UGGT2: variants seen among roughly 807,000 people sequenced by gnomAD.
UGGT2 encodes the protein UDP-glucose glycoprotein glucosyltransferase 2.
In UGGT2, 180 loss-of-function variants were observed where a neutral mutation model predicts 192.1. The ratio of observed to expected loss-of-function variants is 0.94; its 90% confidence interval spans 0.83 to 1.06. The LOEUF (loss-of-function observed/expected upper bound fraction) is 1.06. UGGT2 is among the 50% of genes least tolerant of loss of function. The pLI is 0.00. For missense variants in UGGT2, 1,849 were observed against 1,795.7 expected, an observed-to-expected ratio of 1.03 and a Z score of -0.54; for synonymous variants, 580 against 591.0, an observed-to-expected ratio of 0.98 and a Z score of 0.27.
chr13:95,936,613 G>A (rs1023045808), intron 17 of UGGT2, among the ~76,000 whole-genome samples: 1 of 152,192 alleles, frequency 6.6e-6, no homozygotes, highest in Admixed American at 6.5e-5. Flanking sequence ...CATGGAGCTG[G>A]GAAACCTCCT....
chr13:95,876,203 C>CA (rs1032794623), intron 29 of UGGT2, among the ~76,000 whole-genome samples: 9 of 151,990 alleles, frequency 5.9e-5, no homozygotes, highest in East Asian at 3.9e-4. Flanking sequence ...AATTTTTGTG[C>CA]AAAAAAACAA....
chr13:95,978,856 G>A (rs2051025099), intron 10 of UGGT2, among the ~76,000 whole-genome samples: 1 of 152,172 alleles, frequency 6.6e-6, no homozygotes, highest in Non-Finnish European at 1.5e-5. Flanking sequence ...AGTTTTGAGA[G>A]ATGATGTTCT....
At chr13:95,961,028 T>C (rs1417161844) in intron 12 of UGGT2, among the ~76,000 whole-genome samples, 1 of 152,096 alleles carries the variant, frequency 6.6e-6, no homozygotes, top group Non-Finnish European at 1.5e-5. Context: ...CTGCAAGAAA[T>C]GCTTAAGGGA....
At chr13:95,888,642 A>G (rs1402006080) in intron 25 of UGGT2, among the ~76,000 whole-genome samples, 1 of 152,182 alleles carries the variant, frequency 6.6e-6, no homozygotes, top group Non-Finnish European at 1.5e-5. Flanking sequence ...TCTATCACTC[A>G]TCATATCTGC....
intron 33 of UGGT2, chr13:95,856,758 T>C (rs926110201): frequency 1.2e-5 from 4 of 327,188 alleles, no homozygotes; most frequent in African/African-American, 2.3e-5. Flanking sequence ...GAAGAGAGGA[T>C]ACAAAAAACA....
chr13:95,809,519 C>T (rs1014573783), intron 38 of UGGT2: 2 of 348,702 alleles, frequency 5.7e-6, no homozygotes, highest in South Asian at 2.4e-5. Flanking sequence ...TCCACTTTCG[C>T]AGGGGCAGGT....
In UGGT2 at chr13:95,921,627, G is replaced by C. The variant is rs143303445; in HGVS notation, c.2295+4053C>G. Among the ~76,000 whole-genome samples the C allele has an allele frequency of 4.6e-5, 7 of 152,132 alleles. No individual in the cohort carries two copies. The East Asian group carries it at 1.2e-3, about 25-fold the overall frequency. On this transcript the variant is annotated intron_variant, in intron 20 of 38. Transcript: ENST00000376747. ...ACAACCCCATTACAGAGTGAGCAAAGGAATGGGCACTTCTAAGAAGACATA... is the reference window on the plus strand; with the variant it reads ...ACAACCCCATTACAGAGTGAGCAAACGAATGGGCACTTCTAAGAAGACATA...
intron 36 of UGGT2, among the ~76,000 whole-genome samples, chr13:95,852,736 T>A (rs186886479): frequency 3.2e-4 from 49 of 152,272 alleles, no homozygotes; most frequent in Admixed American, 1.6e-3. Flanking sequence ...ATGTTTCAGA[T>A]GCAATAATGA....
rs139181745 is a variant in UGGT2 at position 96,036,316 on chromosome 13, C to G, written c.159-4345G>C. 1.1e-4 allele frequency among the ~76,000 whole-genome samples: 16 copies of G among 152,286 alleles called. No individual in the cohort carries two copies. In the East Asian group the frequency reaches 3.1e-3, roughly 29 times the overall value. On this transcript the variant is annotated intron_variant, in intron 1 of 38. Transcript: ENST00000376747. ...ACTAATGCAGAGACAGAAACCCAAA[C>G]ACCGCATGTTTTCACTTACAAGTGG... is the stretch of plus-strand genomic sequence containing the variant.
intron 38 of UGGT2, among the ~76,000 whole-genome samples, chr13:95,824,575 A>G (rs1885825780): frequency 6.6e-6 from 1 of 152,090 alleles, no homozygotes; most frequent in Non-Finnish European, 1.5e-5. Context: ...GTTGTAGTCT[A>G]TTGTTGAACC....
intron 17 of UGGT2, among the ~76,000 whole-genome samples, chr13:95,930,975 C>T (rs1215229912): frequency 6.9e-6 from 1 of 145,288 alleles, no homozygotes; most frequent in Non-Finnish European, 1.6e-5. Flanking sequence ...ACAAACCTCC[C>T]ACAGCATGGA....
intron 1 of UGGT2, among the ~76,000 whole-genome samples, chr13:96,039,015 A>T (rs1173305852): frequency 6.6e-6 from 1 of 152,168 alleles, no homozygotes; most frequent in East Asian, 1.9e-4. Context: ...CATAGGATGG[A>T]CACTCTAATT....
intron 4 of UGGT2, among the ~76,000 whole-genome samples, chr13:96,019,161 A>G (rs2052440904): frequency 7.8e-6 from 1 of 127,808 alleles, no homozygotes; most frequent in Non-Finnish European, 1.6e-5. Flanking sequence ...AGGCTGTAGA[A>G]TTGTTTTACC....
intron 2 of UGGT2, among the ~76,000 whole-genome samples, chr13:96,027,578 C>T (rs1196577543): frequency 6.6e-6 from 1 of 152,136 alleles, no homozygotes; most frequent in Non-Finnish European, 1.5e-5. Flanking sequence ...TAAGTGGCAG[C>T]CTCCACAGAC....
rs1566726423 is a variant in UGGT2, at chr13:95,936,826, A to G, written c.1977+98T>C. 3.4e-6 allele frequency: 4 copies of G among 1,188,966 alleles called. No homozygotes were observed. The African/African-American group carries it at 6.3e-5, about 19-fold the overall frequency. The allele number at this position is 1,188,966 out of a possible 1,614,324, so 73.7% of individuals were successfully genotyped here. ...TCACTATGAAATGATCAGAATGGAA[A>G]TTTTTTACCAAATCAACTTCTGTCA... On this transcript the variant is annotated intron_variant, in intron 17 of 38. Coordinates refer to ENST00000376747, the MANE Select transcript of UGGT2 (RefSeq NM_020121.4).
At chr13:95,934,255 A>C (rs2049386425) in intron 17 of UGGT2, among the ~76,000 whole-genome samples, 1 of 152,226 alleles carries the variant, frequency 6.6e-6, no homozygotes, top group Non-Finnish European at 1.5e-5. Context: ...ACTTTAAAAA[A>C]TTTATTGAGA....
chr13:95,952,120 G>GA (rs1294929447), intron 12 of UGGT2, among the ~76,000 whole-genome samples: 1 of 151,434 alleles, frequency 6.6e-6, no homozygotes, highest in African/African-American at 2.4e-5. Flanking sequence ...ACAGGTTAAG[G>GA]AAAAAATGTT....
chr13:96,012,100 A>G (rs902767435), intron 5 of UGGT2, among the ~76,000 whole-genome samples: 3 of 152,104 alleles, frequency 2.0e-5, no homozygotes, highest in Non-Finnish European at 4.4e-5. Context: ...ATTTTTGTGT[A>G]GAATAGACAT....
chr13:96,003,887 C>T (rs1314363545), intron 5 of UGGT2, among the ~76,000 whole-genome samples: 1 of 151,996 alleles, frequency 6.6e-6, no homozygotes, highest in Non-Finnish European at 1.5e-5. Context: ...AGATTTGTTA[C>T]AAAGCAATTC....
Sources: gnomAD v4.1 joint callset for allele counts (sites outside exome capture counted in the v4.1 genomes callset) on GRCh38, gnomAD v4.1.1 for gene constraint, MANE v1.5 for transcripts, NCBI Gene and HGNC (gene_info 2026-07-23, HGNC 2026-07-21) for gene names.